The following DHX37 variants were observed in gnomAD, a reference collection of about 807,000 sequenced individuals.
DHX37 encodes DEAH-box helicase 37.
In DHX37, 52 loss-of-function variants were observed where a neutral mutation model predicts 134.3. That is an observed-to-expected ratio of 0.39 (90% CI 0.31 to 0.49). DHX37 has a LOEUF of 0.49. Among genes scored for constraint, DHX37 ranks in the 20% least tolerant of loss-of-function variants. The pLI, the probability that DHX37 is intolerant of heterozygous loss-of-function variation, is 0.93. For synonymous variants in DHX37, 634 were observed against 670.7 expected (o/e 0.95, Z 0.85); for missense variants, 1,344 against 1,580.8 (o/e 0.85, Z 2.54).
intron 18 of DHX37, among the ~76,000 whole-genome samples, chr12:124,956,450 AAACATACTTTC>A (rs1225903738): frequency 1.3e-5 from 2 of 152,232 alleles, no homozygotes; most frequent in Admixed American, 6.5e-5. Flanking sequence ...ACAATGCACT[AAACATACTTTC>A]AACATACTTT....
chr12:124,987,521 T>C (rs1385838778), intron 1 of DHX37, among the ~76,000 whole-genome samples: 5 of 152,192 alleles, frequency 3.3e-5, no homozygotes, highest in Non-Finnish European at 5.9e-5. Context: ...GTTCCAAGTG[T>C]CAGCCCAGTG....
Position 124,986,161 on chromosome 12 carries a change from G to C in DHX37, c.211C>G (p.Pro71Ala). 6.2e-7 allele frequency: 1 copy of C among 1,614,150 alleles called. No homozygotes were observed. Among genetic ancestry groups the C allele is most frequent in the Non-Finnish European group, 8.5e-7 (1 of 1,180,028 alleles). Reference sequence around the variant, plus strand: ...ACTTTCTTCTCCTTCTTGGTCAGAGGCTTCTTCTCCTTCTTCGACAGGGGA... The same window carrying C: ...ACTTTCTTCTCCTTCTTGGTCAGAGCCTTCTTCTCCTTCTTCGACAGGGGA... ...APPLSKKEKKPLTKKEKKVLQ... is the reference protein window; with the variant it reads ...APPLSKKEKKALTKKEKKVLQ... The change falls in exon 2 of 27, where the codon CCT (proline) becomes GCT (alanine). Residue 71 changes from proline to alanine, a missense_variant. Physicochemically the swap from Pro to Ala is conservative, Grantham distance 27. This residue lies in a region of DHX37 where 319 missense variants were observed against 296.1 expected (regional missense o/e 1.08). Transcript: ENST00000308736.
chr12:124,984,213 T>C (rs572132694), intron 2 of DHX37, among the ~76,000 whole-genome samples: 2 of 152,128 alleles, frequency 1.3e-5, no homozygotes, highest in East Asian at 3.9e-4. Context: ...TACAAAAAGC[T>C]CAGATGGCAG....
intron 18 of DHX37, among the ~76,000 whole-genome samples, chr12:124,955,688 C>T (rs1034766044): frequency 1.3e-5 from 2 of 152,264 alleles, no homozygotes; most frequent in African/African-American, 4.8e-5. Flanking sequence ...CAAATTAAAA[C>T]TCTGTCCGTG....
chr12:124,961,272 G>A (rs28564631), intron 15 of DHX37, among the ~76,000 whole-genome samples: 1 of 90,842 alleles, frequency 1.1e-5, no homozygotes, highest in Non-Finnish European at 2.1e-5. Context: ...ACATACACGC[G>A]TGCACGCACA....
At chr12:124,961,367 G>C (rs1465700289) in intron 15 of DHX37, among the ~76,000 whole-genome samples, 1 of 152,072 alleles carries the variant, frequency 6.6e-6, no homozygotes, top group East Asian at 1.9e-4. Context: ...ACACGGATTA[G>C]GAGAAAATAT....
At chr12:124,977,906 A>G (rs893750728) in intron 4 of DHX37, among the ~76,000 whole-genome samples, 3 of 152,158 alleles carry the variant, frequency 2.0e-5, no homozygotes, top group African/African-American at 7.2e-5. Flanking sequence ...CCTGTGACTC[A>G]TGGAAAGAAA....
rs1301049384 is a variant in DHX37, at chr12:124,972,183, CG to C, written c.1077+319del. The stretch of plus-strand genomic sequence containing the variant: ...GGCTTTCAGTACACCCCCGGCAAGG[CG>C]TGAACTCTGTGAGTCAGTCACAATA... On this transcript the variant is annotated intron_variant, in intron 7 of 26. Transcript: ENST00000308736. Among the ~76,000 whole-genome samples, 5 of 152,238 alleles carry C rather than the reference CG, an allele frequency of 3.3e-5. No homozygotes were observed. In the East Asian group the frequency reaches 9.6e-4, roughly 29 times the overall value.
At chr12:124,967,253 G>A (rs1382796766) in intron 10 of DHX37, 35 bp from the exon 11 acceptor site, 1 of 1,603,968 alleles carries the variant, frequency 6.2e-7, no homozygotes, top group African/African-American at 1.3e-5. Flanking sequence ...TTATCCATCA[G>A]TCACTCACAA....
At chr12:124,968,395 G>A (rs1954440086) in intron 10 of DHX37, 139 bp downstream of exon 10, 3 of 1,405,092 alleles carry the variant, frequency 2.1e-6, no homozygotes, top group African/African-American at 1.4e-5. Context: ...TGAACACTCT[G>A]GAATAAGTGA....
At position 124,980,825 on chromosome 12, in the gene DHX37, C is replaced by T; in HGVS notation, c.403G>A (p.Val135Met). 6.4e-7 allele frequency: 1 copy of T among 1,553,068 alleles called. No homozygotes were observed. Among genetic ancestry groups the T allele is most frequent in the South Asian group, 1.2e-5 (1 of 85,380 alleles). The change falls in exon 4 of 27, where the codon GTG becomes ATG. Residue 135 changes from valine to methionine, a missense_variant. Physicochemically the swap from Val to Met is conservative, Grantham distance 21. Transcript: ENST00000308736. The surrounding 1 kb of genome is among the most constrained non-coding windows in gnomAD (Gnocchi z 5.3). ...ATCTTCTCCTGGCCCGGGGCTACCA[C>T]CTCGTCAGCCTTCCTGTTGAGATAG... ...MYHTKEKADEVVAPGQEKISS... is the reference protein window; with the variant it reads ...MYHTKEKADEMVAPGQEKISS...
At chr12:124,963,309 C>T (rs1176238578) in intron 15 of DHX37, among the ~76,000 whole-genome samples, 2 of 152,144 alleles carry the variant, frequency 1.3e-5, no homozygotes, top group East Asian at 3.9e-4. Flanking sequence ...ACAGGCACAT[C>T]CCTATAGACA....
In DHX37 at chr12:124,953,863, C is replaced by A; in HGVS notation, c.2695+17G>T. ...GTTGCCCGCCGGGTGCAGCGGCGTG[C>A]CGGCACGGGGCCGTACCTGCGGTGG... On this transcript the variant is annotated intron_variant, in intron 20 of 26. Coordinates refer to ENST00000308736, the MANE Select transcript of DHX37 (RefSeq NM_032656.4). 6.2e-7 allele frequency: 1 copy of A among 1,606,662 alleles called. No homozygotes were observed. The highest frequency in any genetic ancestry group is 8.5e-7 in the Non-Finnish European group (1 of 1,176,646).
In DHX37 at chr12:124,982,428, C is replaced by T; in HGVS notation, c.389+83G>A. The T allele has an allele frequency of 2.0e-6, 3 of 1,524,008 alleles. No homozygotes were observed. In the African/African-American group the frequency reaches 4.2e-5, roughly 21 times the overall value. 94.4% of individuals were successfully genotyped at this position (1,524,008 alleles called of 1,614,324 possible). The stretch of plus-strand genomic sequence containing the variant: ...AAAGGTATTTTCTCAAATGTTCCAC[C>T]CCCAGAGGACCCCATAACCTGTGCG... On this transcript the variant is annotated intron_variant, in intron 3 of 26. Transcript: ENST00000308736.
chr12:124,972,208 T>C (rs1398026062), intron 7 of DHX37, among the ~76,000 whole-genome samples: 1 of 152,220 alleles, frequency 6.6e-6, no homozygotes. Flanking sequence ...TCAGTCACAA[T>C]AAAAATACAA....
intron 1 of DHX37, among the ~76,000 whole-genome samples, chr12:124,987,272 G>A (rs1209631219): frequency 1.3e-5 from 2 of 152,210 alleles, no homozygotes; most frequent in African/African-American, 4.8e-5. Context: ...GAACCCGGGA[G>A]GTGGAGGTTG....
intron 15 of DHX37, 72 bp from the exon 16 acceptor site, chr12:124,960,495 A>ATG (rs1389803209): frequency 6.4e-7 from 1 of 1,573,722 alleles, no homozygotes; most frequent in African/African-American, 1.4e-5. Context: ...CAGCCTGGGC[A>ATG]GACAGAAACC....
chr12:124,985,511 C>T (rs11609350), intron 2 of DHX37, among the ~76,000 whole-genome samples: 45,138 of 149,018 alleles, frequency 0.3, 7,129 homozygotes, highest in South Asian at 0.48. Context: ...CCGAGGCGGG[C>T]GGATCACGAG....
At chr12:124,971,754 C>A (rs1015587836) in intron 7 of DHX37, among the ~76,000 whole-genome samples, 1 of 152,200 alleles carries the variant, frequency 6.6e-6, no homozygotes, top group African/African-American at 2.4e-5. Flanking sequence ...ATTGGCCCTG[C>A]CCAAGGGGAC....
Sources: gnomAD v4.1 joint callset for allele counts (sites outside exome capture counted in the v4.1 genomes callset) on GRCh38, gnomAD v4.1.1 for gene constraint, gnomAD v4.1.1 regional missense constraint, Gnocchi (gnomAD v3.1) non-coding constraint, MANE v1.5 for transcripts, NCBI Gene and HGNC (gene_info 2026-07-23, HGNC 2026-07-21) for gene names.